Variants in CRLF3 observed in about 807,000 individuals in gnomAD.
The protein encoded by CRLF3 is cytokine receptor-like factor 3.
Under a neutral mutation model 55.0 loss-of-function variants are expected in CRLF3, and 33 were observed. The observed-to-expected ratio is 0.60, with a 90% CI of 0.46 to 0.80. The LOEUF is 0.80. Among genes scored for constraint, CRLF3 ranks in the 30% least tolerant of loss-of-function variants. The pLI, the probability that CRLF3 is intolerant of heterozygous loss-of-function variation, is 0.00. For missense variants in CRLF3, 494 were observed against 538.4 expected (o/e 0.92, Z 0.82); for synonymous variants, 238 against 196.8 (o/e 1.21, Z -1.75).
In CRLF3 at chr17:30,784,294, AACTTATAGTT is replaced by A; in HGVS notation, c.1212_1221del (p.Thr405GlnfsTer33). 2 of 1,614,112 alleles carry A rather than the reference AACTTATAGTT, an allele frequency of 1.2e-6. No homozygotes were observed. Among genetic ancestry groups the A allele is most frequent in the Non-Finnish European group, 1.7e-6 (2 of 1,179,974 alleles). ...TCAAAAACCACTTCTCTATTATTTGAACTTATAGTTACTCGAAGCTTGAAGTGTCCACCTT... is the reference window on the plus strand; with the variant it reads ...TCAAAAACCACTTCTCTATTATTTGAACTCGAAGCTTGAAGTGTCCACCTT... On this transcript the variant is annotated frameshift_variant, in exon 8 of 8. Transcript: ENST00000324238. LOFTEE classifies it high-confidence loss of function.
At chr17:30,787,035 A>G (rs980966899) in intron 6 of CRLF3, among the ~76,000 whole-genome samples, 6 of 152,044 alleles carry the variant, frequency 3.9e-5, no homozygotes, top group Non-Finnish European at 8.8e-5. Context: ...CGGTTTCACC[A>G]TGTTGCTCAG....
chr17:30,820,919 G>A (rs1012046216), intron 1 of CRLF3, among the ~76,000 whole-genome samples: 2 of 151,818 alleles, frequency 1.3e-5, no homozygotes, highest in African/African-American at 4.8e-5. Flanking sequence ...GGCAGGTGTG[G>A]TGGTGTGTAC....
chr17:30,786,016 T>A lies in CRLF3; in HGVS notation c.975A>T (p.Gly325=), dbSNP rs751302356. Residue 325 remains glycine (G), a synonymous_variant, in exon 7 of 8, where the codon GGA becomes GGT. Transcript: ENST00000324238. ...QTLTFRVETV[G]QPDRRDSIGV... ...CTATGCTATCTCTTCTGTCTGGCTG[T>A]CCCACAGTTTCAACTCTGTAAATGA... 14 of 1,600,458 alleles carry A rather than the reference T, an allele frequency of 8.7e-6. No homozygotes were observed. The East Asian group carries it at 3.1e-4, about 36-fold the overall frequency.
At chr17:30,797,153 C>T (rs7219345) in intron 3 of CRLF3, among the ~76,000 whole-genome samples, 158 bp downstream of exon 3, 2 of 152,038 alleles carry the variant, frequency 1.3e-5, no homozygotes, top group Non-Finnish European at 1.5e-5. Flanking sequence ...GGCCTCCCAA[C>T]GTGCTGGGAT....
chr17:30,822,039 C>T (rs1190546522), intron 1 of CRLF3, among the ~76,000 whole-genome samples: 2 of 78,342 alleles, frequency 2.6e-5, no homozygotes, highest in Non-Finnish European at 5.1e-5. Flanking sequence ...GGAAACGTAA[C>T]AAAACCCTGT....
chr17:30,800,995 TG>T (rs1040924275), intron 2 of CRLF3: 3 of 152,280 alleles, frequency 2.0e-5, no homozygotes, highest in African/African-American at 7.2e-5. Flanking sequence ...AGGATGGTCT[TG>T]ATCTCTTGAC....
At chr17:30,823,359 C>T (rs1228439848) in intron 1 of CRLF3, among the ~76,000 whole-genome samples, 3 of 150,612 alleles carry the variant, frequency 2.0e-5, no homozygotes, top group Non-Finnish European at 2.9e-5. Context: ...AGCCAGACTC[C>T]GTCTCAAAAA....
rs1597921573 is a variant in CRLF3 at position 30,797,365 on chromosome 17, T to C, written c.371A>G (p.Glu124Gly). 1 of 1,613,900 alleles carries C rather than the reference T, an allele frequency of 6.2e-7. No individual in the cohort carries two copies. Among genetic ancestry groups the C allele is most frequent in the South Asian group, 1.1e-5 (1 of 91,080 alleles). ...GGTAAAGCTCCACAGTTTCTCATTC[T>C]CTTCTCCCACACCACCAAGCATGGC... Reference protein sequence around the residue: ...EIAMLGGVGEENEKLWSFTKK... With the variant: ...EIAMLGGVGEGNEKLWSFTKK... Residue 124 changes from glutamate to glycine, a missense_variant, in exon 3 of 8, where the codon GAG becomes GGG. Glu to Gly is a moderately conservative substitution (Grantham distance 98). Transcript: ENST00000324238.
intron 1 of CRLF3, among the ~76,000 whole-genome samples, chr17:30,816,994 G>C (rs932057814): frequency 4.6e-5 from 7 of 152,072 alleles, no homozygotes; most frequent in Non-Finnish European, 7.4e-5. Context: ...CTGTTGTTTT[G>C]ACTGTATATG....
chr17:30,787,112 G>A (rs755595270), intron 6 of CRLF3, among the ~76,000 whole-genome samples: 5 of 152,092 alleles, frequency 3.3e-5, no homozygotes, highest in African/African-American at 4.8e-5. Flanking sequence ...CTGGGATTAC[G>A]GAGTGAGCCA....
intron 1 of CRLF3, among the ~76,000 whole-genome samples, chr17:30,805,532 T>C (rs1597925903): frequency 6.6e-6 from 1 of 151,774 alleles, no homozygotes; most frequent in East Asian, 1.9e-4. Context: ...ACCAACATGG[T>C]GAAACTCCAT....
chr17:30,801,319 G>T (rs1337367879), intron 2 of CRLF3: 4 of 150,748 alleles, frequency 2.7e-5, no homozygotes, highest in Admixed American at 2.7e-4. Context: ...TTGAGATGGG[G>T]TCTCATTATC....
chr17:30,820,887 T>C (rs936317067), intron 1 of CRLF3, among the ~76,000 whole-genome samples: 4 of 142,306 alleles, frequency 2.8e-5, no homozygotes, highest in African/African-American at 7.8e-5. Flanking sequence ...TCATCTCTAC[T>C]AAAAAAAATT....
In CRLF3 at chr17:30,782,960, C is replaced by G. The variant is rs1217574187; in HGVS notation, c.*1227G>C. Reference sequence around the variant, plus strand: ...AAAATCTGTAGGGTGGCATAGAAGACAATTATTTTTACATATTAAAGTCCT... The same window carrying G: ...AAAATCTGTAGGGTGGCATAGAAGAGAATTATTTTTACATATTAAAGTCCT... On this transcript the variant is annotated 3_prime_UTR_variant, in exon 8 of 8. Transcript: ENST00000324238. The G allele has an allele frequency of 6.6e-6, 1 of 152,008 alleles. No individual in the cohort carries two copies. Among genetic ancestry groups the G allele is most frequent in the Non-Finnish European group, 1.5e-5 (1 of 68,008 alleles). The allele number at this position is 152,008 out of a possible 1,614,324, so 9.4% of individuals were successfully genotyped here.
intron 2 of CRLF3, among the ~76,000 whole-genome samples, chr17:30,798,984 A>G (rs1482891959): frequency 6.6e-6 from 1 of 152,194 alleles, no homozygotes. Context: ...TTTTAATTAA[A>G]AAACATAGGC....
chr17:30,785,773 C>T (rs967095605), intron 7 of CRLF3, 146 bp downstream of exon 7: 7 of 549,966 alleles, frequency 1.3e-5, no homozygotes, highest in Admixed American at 3.4e-5. Flanking sequence ...TGGAGTGAGA[C>T]TTCATAATAA....
At chr17:30,820,733 A>G (rs1904965093) in intron 1 of CRLF3, among the ~76,000 whole-genome samples, 1 of 150,278 alleles carries the variant, frequency 6.7e-6, no homozygotes, top group Non-Finnish European at 1.5e-5. Context: ...CGGAGGTTGC[A>G]GTGAGCCTAA....
At chr17:30,787,469 GAAAT>G (rs1971674493) in intron 6 of CRLF3, 1 of 151,410 alleles carries the variant, frequency 6.6e-6, no homozygotes. Context: ...CTTGAAATAG[GAAAT>G]GTACAGATCC....
At chr17:30,812,027 G>T (rs1294155579) in intron 1 of CRLF3, among the ~76,000 whole-genome samples, 2 of 151,688 alleles carry the variant, frequency 1.3e-5, no homozygotes, top group African/African-American at 4.8e-5. Flanking sequence ...GGAGAATGGC[G>T]TGAGCGGGGG....
Sources: allele counts gnomAD v4.1 joint callset (sites outside exome capture counted in the v4.1 genomes callset), GRCh38; gene constraint gnomAD v4.1.1; transcripts MANE v1.5; gene names NCBI Gene and HGNC (gene_info 2026-07-23, HGNC 2026-07-21).